DSCAM: variants seen among roughly 807,000 people sequenced by gnomAD.
DSCAM encodes DS cell adhesion molecule.
DSCAM carries 47 observed loss-of-function variants against 217.7 expected under a neutral mutation model. That is an observed-to-expected ratio of 0.22 (90% CI 0.17 to 0.28). The LOEUF (loss-of-function observed/expected upper bound fraction) is 0.28, where lower values mean the gene tolerates loss of function less well. Among genes scored for constraint, DSCAM ranks in the 10% least tolerant of loss-of-function variants. DSCAM has a pLI of 1.00. For missense variants in DSCAM, 2,080 were observed against 2,618.3 expected (o/e 0.79, Z 4.49); for synonymous variants, 1,056 against 1,015.3 (o/e 1.04, Z -0.76).
chr21:40,720,693 A>G (rs2090892375), intron 1 of DSCAM, among the ~76,000 whole-genome samples: 1 of 152,120 alleles, frequency 6.6e-6, no homozygotes, highest in African/African-American at 2.4e-5. Context: ...AAAATGAAAG[A>G]AGGAAACAAA....
At chr21:40,673,166 C>A (rs2146405321) in intron 3 of DSCAM, among the ~76,000 whole-genome samples, 1 of 152,306 alleles carries the variant, frequency 6.6e-6, no homozygotes, top group Non-Finnish European at 1.5e-5. Flanking sequence ...ACAGTCCCCT[C>A]CACCTGAGCA....
rs1431954595 is a variant in DSCAM at position 40,075,216 on chromosome 21, G to C, written c.4712-3C>G. 1 of 1,614,182 alleles carries C rather than the reference G, an allele frequency of 6.2e-7. No individual in the cohort carries two copies. Among genetic ancestry groups the C allele is most frequent in the Admixed American group, 1.7e-5 (1 of 60,030 alleles). On this transcript the variant is annotated splice_region_variant and splice_polypyrimidine_tract_variant and intron_variant, in intron 26 of 32. Coordinates refer to ENST00000400454, the MANE Select transcript of DSCAM (RefSeq NM_001389.5). ...CTTAATGAGTGGAGGAATTGTACCT[G>C]AAAGCAGGGCCACGGTGTTAGATGG...
rs146404007 is a variant in DSCAM, at chr21:40,545,696, C to T, written c.508+147114G>A. Among the ~76,000 whole-genome samples the T allele has an allele frequency of 3.9e-5, 6 of 152,298 alleles. No homozygotes were observed. In the East Asian group the frequency reaches 1.2e-3, roughly 29 times the overall value. On this transcript the variant is annotated intron_variant, in intron 3 of 32. Coordinates refer to ENST00000400454, the MANE Select transcript of DSCAM (RefSeq NM_001389.5). The stretch of plus-strand genomic sequence containing the variant: ...GTGTGAAATATGCACACCATCCCAG[C>T]ACACTGCAGGCATTGAGCTGGCACC...
chr21:40,701,572 C>A (rs1429582852), intron 2 of DSCAM, among the ~76,000 whole-genome samples: 1 of 151,890 alleles, frequency 6.6e-6, no homozygotes, highest in African/African-American at 2.4e-5. Context: ...AATAAAATCT[C>A]CCTATTTTTT....
At chr21:40,670,551 G>GAC (rs56157314) in intron 3 of DSCAM, among the ~76,000 whole-genome samples, 1 of 146,952 alleles carries the variant, frequency 6.8e-6, no homozygotes, top group Non-Finnish European at 1.5e-5. Flanking sequence ...AAAAAAAAAA[G>GAC]TGACTACTTT....
intron 2 of DSCAM, among the ~76,000 whole-genome samples, chr21:40,699,044 T>C (rs752206516): frequency 6.6e-6 from 1 of 152,206 alleles, no homozygotes; most frequent in Non-Finnish European, 1.5e-5. Context: ...CCCTGCATCA[T>C]GCAACTCTAT....
intron 3 of DSCAM, among the ~76,000 whole-genome samples, chr21:40,600,476 C>T (rs1035825103): frequency 2.0e-5 from 3 of 152,170 alleles, no homozygotes; most frequent in African/African-American, 7.2e-5. Flanking sequence ...GCCCCACCTC[C>T]TAAGACTATC....
intron 8 of DSCAM, among the ~76,000 whole-genome samples, chr21:40,329,791 A>C (rs931014517): frequency 5.3e-5 from 8 of 152,178 alleles, no homozygotes; most frequent in Non-Finnish European, 7.4e-5. Flanking sequence ...AGCCAGGCAC[A>C]TAAAGGCAAA....
rs143800267 is a variant in DSCAM, at chr21:40,731,914, A to C, written c.44-23143T>G. On this transcript the variant is annotated intron_variant, in intron 1 of 32. Transcript: ENST00000400454. Reference sequence around the variant, plus strand: ...CTAATTTTTTGTATTTTTAGTAGAGACAGGGTTTTATCACGTTGGCCCGGC... The same window carrying C: ...CTAATTTTTTGTATTTTTAGTAGAGCCAGGGTTTTATCACGTTGGCCCGGC... Among the ~76,000 whole-genome samples, 1,370 of 152,174 alleles carry C rather than the reference A, an allele frequency of 9.0e-3. 19 individuals are homozygous for C. The highest frequency in any genetic ancestry group is 0.031 in the African/African-American group (1,302 of 41,514).
Position 40,757,137 on chromosome 21 carries a change from G to A in DSCAM, c.44-48366C>T, listed in dbSNP as rs142107488. 7.0e-3 allele frequency among the ~76,000 whole-genome samples: 1,064 copies of A among 152,044 alleles called. 15 individuals carry two copies. Among genetic ancestry groups the A allele is most frequent in the African/African-American group, 0.024 (1,015 of 41,470 alleles). On this transcript the variant is annotated intron_variant, in intron 1 of 32. Coordinates refer to ENST00000400454, the MANE Select transcript of DSCAM (RefSeq NM_001389.5). The stretch of plus-strand genomic sequence containing the variant: ...CCTCCGGGGTTCACACCATTCTCCT[G>A]CTTAGCCTCCCAAGTAGCTGGGACT...
intron 11 of DSCAM, among the ~76,000 whole-genome samples, chr21:40,222,296 GAATA>G (rs1235557419): frequency 6.6e-6 from 1 of 152,146 alleles, no homozygotes; most frequent in Non-Finnish European, 1.5e-5. Flanking sequence ...ATTACTAAGT[GAATA>G]AATACTTTCC....
chr21:40,291,198 C>T (rs1055485885), intron 10 of DSCAM, among the ~76,000 whole-genome samples: 6 of 152,232 alleles, frequency 3.9e-5, no homozygotes, highest in African/African-American at 1.4e-4. Flanking sequence ...TCCTCCACTG[C>T]AGTCACCCTG....
chr21:40,349,070 G>A (rs1409618875), intron 5 of DSCAM, among the ~76,000 whole-genome samples: 3 of 145,178 alleles, frequency 2.1e-5, no homozygotes, highest in Non-Finnish European at 4.5e-5. Context: ...CTGGGAAGAG[G>A]AGCTTGCAGT....
chr21:40,111,239 G>A (rs979092232), intron 20 of DSCAM, among the ~76,000 whole-genome samples: 1 of 152,204 alleles, frequency 6.6e-6, no homozygotes, highest in Non-Finnish European at 1.5e-5. Context: ...CTACAAGCCA[G>A]AAGAGAGTGG....
At chr21:40,017,865 T>C (rs371476678) in intron 32 of DSCAM, among the ~76,000 whole-genome samples, 1 of 152,212 alleles carries the variant, frequency 6.6e-6, no homozygotes, top group African/African-American at 2.4e-5. Flanking sequence ...AACATTCTTA[T>C]AGGAAGGAAT....
intron 11 of DSCAM, among the ~76,000 whole-genome samples, chr21:40,218,053 C>T (rs1046179422): frequency 6.6e-6 from 1 of 152,128 alleles, no homozygotes; most frequent in African/African-American, 2.4e-5. Context: ...CTTTTGGTAT[C>T]TTTTTCATGA....
chr21:40,654,062 T>G (rs913503317), intron 3 of DSCAM, among the ~76,000 whole-genome samples: 5 of 149,672 alleles, frequency 3.3e-5, no homozygotes, highest in African/African-American at 1.2e-4. Context: ...ACTATTGCAC[T>G]CCAGCCTGGG....
intron 1 of DSCAM, among the ~76,000 whole-genome samples, chr21:40,834,780 C>T (rs2092043766): frequency 2.6e-5 from 4 of 152,264 alleles, no homozygotes; most frequent in African/African-American, 9.6e-5. Flanking sequence ...CAGAGAAGGC[C>T]TCCAGACCCC....
intron 3 of DSCAM, among the ~76,000 whole-genome samples, chr21:40,421,159 G>T (rs775166073): frequency 6.6e-6 from 1 of 152,180 alleles, no homozygotes. Flanking sequence ...GTGTGTTCAA[G>T]ACTTGAGAGC....
Sources: allele counts gnomAD v4.1 joint callset (sites outside exome capture counted in the v4.1 genomes callset), GRCh38; gene constraint gnomAD v4.1.1; transcripts MANE v1.5; gene names NCBI Gene and HGNC (gene_info 2026-07-23, HGNC 2026-07-21).